The following DNAH14 variants were observed in gnomAD, a reference collection of about 807,000 sequenced individuals.
DNAH14 encodes the protein dynein axonemal heavy chain 14.
A neutral mutation model predicts 520.9 loss-of-function variants in DNAH14; 478 were observed. The ratio of observed to expected loss-of-function variants is 0.92; its 90% CI spans 0.85 to 0.99. DNAH14 has a LOEUF of 0.99. Among genes scored for constraint, DNAH14 ranks in the 50% least tolerant of loss-of-function variants. The pLI is 0.00. For synonymous variants in DNAH14, 1,581 were observed against 1,757.2 expected, an observed-to-expected ratio of 0.90 and a Z score of 2.51; for missense variants, 4,831 against 5,234.5, an observed-to-expected ratio of 0.92 and a Z score of 2.38.
Position 225,152,087 on chromosome 1 carries a change from A to C in DNAH14, c.5009+14A>C, listed in dbSNP as rs767581820. ...CATGAATCCCAGGTAAGTATCAGTA[A>C]ATCTAGTGGGAATAGACACAGACAA... On this transcript the variant is annotated intron_variant, in intron 32 of 85. Coordinates refer to ENST00000682510, the MANE Select transcript of DNAH14 (RefSeq NM_001367479.1). 2 of 1,544,260 alleles carry C rather than the reference A, an allele frequency of 1.3e-6. No homozygotes were observed. The highest frequency in any genetic ancestry group is 1.7e-6 in the Non-Finnish European group (2 of 1,143,350).
chr1:225,307,084 T>C (rs1320000044), intron 58 of DNAH14, among the ~76,000 whole-genome samples: 1 of 152,190 alleles, frequency 6.6e-6, no homozygotes, highest in African/African-American at 2.4e-5. Context: ...CCAATTTGCC[T>C]GTCTTAAGTG....
chr1:225,121,064 A>G (rs1314794526), intron 26 of DNAH14, among the ~76,000 whole-genome samples: 1 of 152,210 alleles, frequency 6.6e-6, no homozygotes, highest in Non-Finnish European at 1.5e-5. Context: ...GCCTTATCCA[A>G]CTAAAGATAT....
Position 225,388,616 on chromosome 1 carries a change from G to A in DNAH14, c.13190+125G>A, listed in dbSNP as rs2095868545. ...GTAATGTGTGAATTAAGCAAGGGAG[G>A]GATTCTTATCTTCTGTTTGAGCTGA... On this transcript the variant is annotated intron_variant, in intron 82 of 85. Coordinates refer to ENST00000682510, the MANE Select transcript of DNAH14 (RefSeq NM_001367479.1). The A allele has an allele frequency of 1.3e-5, 7 of 542,612 alleles. No homozygotes were observed. The South Asian group carries it at 2.3e-4, about 18-fold the overall frequency. 33.6% of individuals were successfully genotyped at this position (542,612 alleles called of 1,614,324 possible).
intron 41 of DNAH14, among the ~76,000 whole-genome samples, chr1:225,220,093 G>A (rs967091976): frequency 3.9e-5 from 6 of 152,124 alleles, no homozygotes; most frequent in African/African-American, 1.4e-4. Flanking sequence ...AAAGGCCTTC[G>A]ATATAATTCA....
intron 21 of DNAH14, among the ~76,000 whole-genome samples, chr1:225,094,994 C>T (rs1213089192): frequency 6.6e-6 from 1 of 152,006 alleles, no homozygotes; most frequent in Non-Finnish European, 1.5e-5. Flanking sequence ...GTCAGAATGT[C>T]CATTATTAAA....
intron 66 of DNAH14, among the ~76,000 whole-genome samples, chr1:225,335,339 ATGTG>A (rs1259384978): frequency 1.2e-5 from 1 of 86,724 alleles, no homozygotes; most frequent in Non-Finnish European, 2.2e-5. Flanking sequence ...ACGTGTGTAC[ATGTG>A]TGTGTATATG....
intron 50 of DNAH14, 151 bp from the exon 51 acceptor site, chr1:225,271,755 A>C (rs905069528): frequency 4.5e-5 from 31 of 681,822 alleles, no homozygotes; most frequent in Non-Finnish European, 6.9e-5. Context: ...TTACTAATCT[A>C]CCATCCTATG....
In DNAH14 at chr1:225,380,212, A is replaced by G. The variant is rs2150743953; in HGVS notation, c.12770A>G (p.Lys4257Arg). ...LVMEILSDLL[K>R]RLPLTVEKEE... ...ATGGAAATTCTATCCGACTTGCTAA[A>G]GCGGCTGCCACTGACAGTGGAGAAA... The change falls in exon 80 of 86, where the codon AAG becomes AGG. Residue 4257 changes from lysine (K) to arginine (R), a missense_variant. Transcript: ENST00000682510. The G allele has an allele frequency of 1.9e-6, 3 of 1,551,662 alleles. No homozygotes were observed. Among genetic ancestry groups the G allele is most frequent in the Non-Finnish European group, 2.6e-6 (3 of 1,146,980 alleles).
chr1:225,101,190 G>A, intron 23 of DNAH14, among the ~76,000 whole-genome samples: 1 of 151,306 alleles, frequency 6.6e-6, no homozygotes, highest in East Asian at 1.9e-4. Flanking sequence ...CTTCTTTCAG[G>A]AGGTTAATAC....
At chr1:225,306,233 A>G (rs897418396) in intron 58 of DNAH14, among the ~76,000 whole-genome samples, 13 of 152,218 alleles carry the variant, frequency 8.5e-5, no homozygotes, top group African/African-American at 3.1e-4. Flanking sequence ...TAACAAGGTC[A>G]GGTGGGGCAT....
chr1:225,007,775 T>TAG (rs1393946448), intron 10 of DNAH14, among the ~76,000 whole-genome samples: 1 of 151,958 alleles, frequency 6.6e-6, no homozygotes, highest in African/African-American at 2.4e-5. Flanking sequence ...TATATGTGTA[T>TAG]ATCTATATAC....
chr1:225,129,311 A>C (rs973642285), intron 27 of DNAH14, among the ~76,000 whole-genome samples: 14 of 152,158 alleles, frequency 9.2e-5, no homozygotes, highest in African/African-American at 3.4e-4. Context: ...GAATTGGAAA[A>C]AACTACTTTA....
At chr1:225,158,285 A>G (rs531352416) in intron 34 of DNAH14, among the ~76,000 whole-genome samples, 17 of 152,252 alleles carry the variant, frequency 1.1e-4, no homozygotes, top group East Asian at 5.8e-4. Context: ...AGAAAACTCA[A>G]TTTGGCTTAA....
rs1207940811 is a variant in DNAH14 at position 225,265,381 on chromosome 1, C to T, written c.7410+12C>T. ...CAAAAAACAACCGGGTAAAACACCT[C>T]TCATACCTGTTCAATAATCTGCTTA... On this transcript the variant is annotated intron_variant, in intron 48 of 85. Coordinates refer to ENST00000682510, the MANE Select transcript of DNAH14 (RefSeq NM_001367479.1). 1 of 1,517,554 alleles carries T rather than the reference C, an allele frequency of 6.6e-7. No individual in the cohort carries two copies. The highest frequency in any genetic ancestry group is 2.5e-5 in the Admixed American group (1 of 40,010). The allele number at this position is 1,517,554 out of a possible 1,614,324, so 94.0% of individuals were successfully genotyped here. A position where few individuals can be genotyped will look rare whatever the true frequency, so the allele number is the denominator to read the frequency against.
At position 224,988,109 on chromosome 1, in the gene DNAH14, C is replaced by T. The variant is rs139331055; in HGVS notation, c.830+13956C>T. ...TGTTGTTTCCCTCTCTGTGTCCATG[C>T]GTTATCATTGTTCAACTCCCACTTA... is the stretch of plus-strand genomic sequence containing the variant. On this transcript the variant is annotated intron_variant, in intron 8 of 85. Coordinates refer to ENST00000682510, the MANE Select transcript of DNAH14 (RefSeq NM_001367479.1). Among the ~76,000 whole-genome samples, 9 of 152,096 alleles carry T rather than the reference C, an allele frequency of 5.9e-5. No individual in the cohort carries two copies. In the East Asian group the frequency reaches 9.7e-4, roughly 16 times the overall value.
chr1:224,981,893 G>A lies in DNAH14; in HGVS notation c.830+7740G>A, dbSNP rs765239650. 4.8e-4 allele frequency among the ~76,000 whole-genome samples: 73 copies of A among 152,166 alleles called. 1 individual carries two copies. The highest frequency in any genetic ancestry group is 1.6e-3 in the Admixed American group (24 of 15,278). On this transcript the variant is annotated intron_variant, in intron 8 of 85. Coordinates refer to ENST00000682510, the MANE Select transcript of DNAH14 (RefSeq NM_001367479.1). ...AGGGAAATATTAGGGAAAGTTATAG[G>A]GAATAGTCACAAACCTTTTGGAAGG...
chr1:225,374,145 C>CTATATATATATATGTATATATATA (rs1272949431), intron 77 of DNAH14, among the ~76,000 whole-genome samples: 2 of 33,056 alleles, frequency 6.1e-5, no homozygotes, highest in African/African-American at 2.7e-4. Flanking sequence ...TTGTGTCTTA[C>CTATATATATATATGTATATATATA]TATATATATA....
intron 11 of DNAH14, among the ~76,000 whole-genome samples, chr1:225,029,984 G>A (rs1239131320): frequency 6.6e-6 from 1 of 151,826 alleles, no homozygotes; most frequent in East Asian, 1.9e-4. Flanking sequence ...AAAAGTAAAA[G>A]TCTTCATATG....
chr1:225,103,277 G>C (rs1459169175), intron 23 of DNAH14, among the ~76,000 whole-genome samples: 2 of 152,180 alleles, frequency 1.3e-5, no homozygotes, highest in Non-Finnish European at 2.9e-5. Context: ...GTACCATGCT[G>C]TTTTGGTTAC....
Sources: allele counts gnomAD v4.1 joint callset (sites outside exome capture counted in the v4.1 genomes callset), GRCh38; gene constraint gnomAD v4.1.1; transcripts MANE v1.5; gene names NCBI Gene and HGNC (gene_info 2026-07-23, HGNC 2026-07-21).